The following INSYN1 variants were observed in gnomAD, a reference collection of about 807,000 sequenced individuals.
INSYN1 encodes UPF0583 protein C15orf59.
Under a neutral mutation model 17.1 loss-of-function variants are expected in INSYN1, and 7 were observed. That is an observed-to-expected ratio of 0.41 (90% confidence interval 0.23 to 0.77). INSYN1 has a LOEUF of 0.77. Ranked by LOEUF, INSYN1 falls within the 30% of genes least tolerant of loss-of-function variation. The probability of loss-of-function intolerance (pLI) is 0.32; values close to 1 mark genes in which losing one functional copy is unlikely to be tolerated. For synonymous variants in INSYN1, 174 were observed against 166.3 expected, an observed-to-expected ratio of 1.05 and a Z score of -0.36; for missense variants, 339 against 400.6, an observed-to-expected ratio of 0.85 and a Z score of 1.31.
At chr15:73,745,170 C>A (rs1354800937) in intron 2 of INSYN1, among the ~76,000 whole-genome samples, 3 of 152,116 alleles carry the variant, frequency 2.0e-5, no homozygotes, top group Admixed American at 6.5e-5. Context: ...TTCTTATCAG[C>A]CAACAGGTCC....
At chr15:73,749,557 C>T (rs1901923884) in intron 2 of INSYN1, among the ~76,000 whole-genome samples, 1 of 152,152 alleles carries the variant, frequency 6.6e-6, no homozygotes, top group African/African-American at 2.4e-5. Context: ...TTGGACAGTT[C>T]CCATGGCCCT....
chr15:73,747,439 GAGC>G, intron 2 of INSYN1, among the ~76,000 whole-genome samples: 1 of 152,230 alleles, frequency 6.6e-6, no homozygotes, highest in Non-Finnish European at 1.5e-5. Flanking sequence ...TGGAGCTGAG[GAGC>G]AGGCCAGTTT....
intron 2 of INSYN1, among the ~76,000 whole-genome samples, chr15:73,747,932 C>A (rs866637389): frequency 6.6e-6 from 1 of 152,198 alleles, no homozygotes; most frequent in Admixed American, 6.5e-5. Context: ...CTTTAAAAGA[C>A]TTTCCCCACC....
intron 2 of INSYN1, among the ~76,000 whole-genome samples, chr15:73,748,632 G>A (rs1169626326): frequency 6.6e-6 from 1 of 152,246 alleles, no homozygotes; most frequent in Non-Finnish European, 1.5e-5. Context: ...CAAGAGCCAA[G>A]ACCACAGGTT....
intron 2 of INSYN1, among the ~76,000 whole-genome samples, chr15:73,745,496 T>C (rs1329619028): frequency 1.3e-5 from 2 of 152,202 alleles, no homozygotes; most frequent in Non-Finnish European, 2.9e-5. Flanking sequence ...TGTTACACAA[T>C]ATTTAACACT....
intron 2 of INSYN1, among the ~76,000 whole-genome samples, chr15:73,743,761 C>T (rs1389675230): frequency 7.9e-6 from 1 of 126,686 alleles, no homozygotes; most frequent in Non-Finnish European, 1.6e-5. Context: ...ACCCAGGAGG[C>T]GGAGATTGCA....
Position 73,740,416 on chromosome 15 carries a change from G to A in INSYN1, c.383C>T (p.Pro128Leu), listed in dbSNP as rs777064188. Residue 128 changes from proline (P) to leucine (L), a missense_variant, in exon 3 of 3, where the codon CCC becomes CTC. Coordinates refer to ENST00000569673, the MANE Select transcript of INSYN1 (RefSeq NM_001039614.3). The part of the protein sequence containing the change: ...VSTPSDSVDG[P>L]ESTRPGAGPD... ...GCCAGCCCCTGGCCGAGTCGACTCG[G>A]GACCATCCACGGAGTCCGAGGGGGT... 1 of 1,612,846 alleles carries A rather than the reference G, an allele frequency of 6.2e-7. No homozygotes were observed. Among genetic ancestry groups the A allele is most frequent in the East Asian group, 2.2e-5 (1 of 44,844 alleles).
At chr15:73,742,119 A>T (rs1901706366) in intron 2 of INSYN1, among the ~76,000 whole-genome samples, 1 of 152,028 alleles carries the variant, frequency 6.6e-6, no homozygotes, top group East Asian at 1.9e-4. Flanking sequence ...TATAGGAATG[A>T]CTCTGAGAGG....
Position 73,740,381 on chromosome 15 carries a change from G to A in INSYN1, c.418C>T (p.Arg140Cys), listed in dbSNP as rs755975082. 3.4e-5 allele frequency: 54 copies of A among 1,607,812 alleles called. No individual in the cohort carries two copies. The Middle Eastern group carries it at 9.9e-4, about 30-fold the overall frequency. Residue 140 changes from arginine to cysteine, a missense_variant, in exon 3 of 3, where the codon CGC (arginine) becomes TGC (cysteine). Coordinates refer to ENST00000569673, the MANE Select transcript of INSYN1 (RefSeq NM_001039614.3). ...STRPGAGPDY[R>C]LMNGGTPIPN... ...ATGGGCGTGCCACCATTCATGAGGCGGTAGTCAGGGCCAGCCCCTGGCCGA... is the reference window on the plus strand; with the variant it reads ...ATGGGCGTGCCACCATTCATGAGGCAGTAGTCAGGGCCAGCCCCTGGCCGA...
intron 2 of INSYN1, among the ~76,000 whole-genome samples, chr15:73,749,256 C>A (rs190220538): frequency 1.2e-3 from 187 of 152,316 alleles, no homozygotes; most frequent in Admixed American, 3.7e-3. Context: ...GAGTTCTAGG[C>A]ATACTTCTGC....
At chr15:73,749,862 G>C (rs1901933269) in intron 2 of INSYN1, among the ~76,000 whole-genome samples, 1 of 152,126 alleles carries the variant, frequency 6.6e-6, no homozygotes, top group South Asian at 2.1e-4. Flanking sequence ...ATCCCATTCT[G>C]AACACAGTGC....
rs184493543 is a variant in INSYN1, at chr15:73,742,083, C to T, written c.157-1441G>A. On this transcript the variant is annotated intron_variant, in intron 2 of 2. Coordinates refer to ENST00000569673, the MANE Select transcript of INSYN1 (RefSeq NM_001039614.3). ...ACTAGTTTATTTCCAAGGTTCCTTC[C>T]ATGTCTGAGATTCTAGGACTCTGTT... Among the ~76,000 whole-genome samples, 716 of 152,298 alleles carry T rather than the reference C, an allele frequency of 4.7e-3. 25 individuals are homozygous for T. The highest frequency in any genetic ancestry group is 0.042 in the Admixed American group (645 of 15,296).
At position 73,737,466 on chromosome 15, in the gene INSYN1, C is replaced by G. The variant is rs1273871830; in HGVS notation, c.*2451G>C. The G allele has an allele frequency of 6.6e-6, 1 of 152,286 alleles. No homozygotes were observed. The highest frequency in any genetic ancestry group is 6.5e-5 in the Admixed American group (1 of 15,286). The allele number at this position is 152,286 out of a possible 1,614,324, so 9.4% of individuals were successfully genotyped here. On this transcript the variant is annotated 3_prime_UTR_variant, in exon 3 of 3. Coordinates refer to ENST00000569673, the MANE Select transcript of INSYN1 (RefSeq NM_001039614.3). ...TGTGAACCAGAGCCCTATCGCTGAT[C>G]AGCACCAAATGGCTGAGGATTTCCT...
In INSYN1 at chr15:73,739,953, G is replaced by A; in HGVS notation, c.846C>T (p.Tyr282=). The A allele has an allele frequency of 6.2e-7, 1 of 1,610,816 alleles. No homozygotes were observed. Among genetic ancestry groups the A allele is most frequent in the Non-Finnish European group, 8.5e-7 (1 of 1,178,762 alleles). The part of the protein sequence containing the change: ...SDKSTQTVLP[Y]TATRQKARGK... ...CCCTGGCTTTCTGTCTAGTGGCTGTGTAGGGCAGAACCGTCTGCGTGCTCT... is the reference window on the plus strand; with the variant it reads ...CCCTGGCTTTCTGTCTAGTGGCTGTATAGGGCAGAACCGTCTGCGTGCTCT... Residue 282 remains tyrosine (Y), a synonymous_variant, in exon 3 of 3, where the codon TAC becomes TAT. Transcript: ENST00000569673.
Position 73,739,921 on chromosome 15 carries a change from T to A in INSYN1, c.878A>T (p.Asn293Ile). The change falls in exon 3 of 3, where the codon AAC (asparagine) becomes ATC (isoleucine). Residue 293 changes from asparagine to isoleucine, a missense_variant. By Grantham distance (149) the Asn-to-Ile change is moderately radical. Coordinates refer to ENST00000569673, the MANE Select transcript of INSYN1 (RefSeq NM_001039614.3). ...TATRQKARGK[N>I] ...CCCCGGCCCCCTCCCCGGCCCCTAG[T>A]TTTTCCCCCTGGCTTTCTGTCTAGT... 6.5e-7 allele frequency: 1 copy of A among 1,533,246 alleles called. No individual in the cohort carries two copies. The highest frequency in any genetic ancestry group is 8.9e-7 in the Non-Finnish European group (1 of 1,123,192). The allele number at this position is 1,533,246 out of a possible 1,614,324, so 95.0% of individuals were successfully genotyped here.
intron 2 of INSYN1, among the ~76,000 whole-genome samples, chr15:73,745,547 C>G (rs1172490670): frequency 6.6e-6 from 1 of 152,228 alleles, no homozygotes; most frequent in Non-Finnish European, 1.5e-5. Flanking sequence ...TGGTTGATGT[C>G]TGTCTCCCCA....
Position 73,739,932 on chromosome 15 carries a change from G to A in INSYN1, c.867C>T (p.Ala289=). ...TCCCCGGCCCCTAGTTTTTCCCCCT[G>A]GCTTTCTGTCTAGTGGCTGTGTAGG... The part of the protein sequence containing the change: ...VLPYTATRQK[A]RGKN Residue 289 remains alanine (A), a synonymous_variant, in exon 3 of 3, where the codon GCC becomes GCT. Coordinates refer to ENST00000569673, the MANE Select transcript of INSYN1 (RefSeq NM_001039614.3). 1 of 1,565,540 alleles carries A rather than the reference G, an allele frequency of 6.4e-7. No individual in the cohort carries two copies. Among genetic ancestry groups the A allele is most frequent in the East Asian group, 2.3e-5 (1 of 43,408 alleles).
chr15:73,750,077 G>A (rs985462506), intron 2 of INSYN1, among the ~76,000 whole-genome samples: 2 of 152,198 alleles, frequency 1.3e-5, no homozygotes, highest in Admixed American at 6.5e-5. Context: ...TGATTACAAG[G>A]AGTTGAAATT....
intron 2 of INSYN1, among the ~76,000 whole-genome samples, chr15:73,745,457 C>T (rs1901799708): frequency 6.6e-6 from 1 of 152,194 alleles, no homozygotes; most frequent in Non-Finnish European, 1.5e-5. Context: ...ATGAAAGGCT[C>T]TCAAAGCACC....
Sources: allele counts gnomAD v4.1 joint callset (sites outside exome capture counted in the v4.1 genomes callset), GRCh38; gene constraint gnomAD v4.1.1; transcripts MANE v1.5; gene names NCBI Gene and HGNC (gene_info 2026-07-23, HGNC 2026-07-21).